The following STK32B variants were observed in gnomAD, a reference collection of about 807,000 sequenced individuals.
STK32B encodes serine/threonine-protein kinase 32B.
In STK32B, 43 loss-of-function variants were observed where a neutral mutation model predicts 52.6. The observed-to-expected ratio is 0.82, with a 90% confidence interval of 0.64 to 1.05. The LOEUF (loss-of-function observed/expected upper bound fraction) is 1.05, where lower values mean the gene tolerates loss of function less well. Among genes scored for constraint, STK32B ranks in the 50% least tolerant of loss-of-function variants. The pLI, the probability that STK32B is intolerant of heterozygous loss-of-function variation, is 0.00. For synonymous variants in STK32B, 238 were observed against 204.3 expected (o/e 1.17, Z -1.41); for missense variants, 621 against 534.6 (o/e 1.16, Z -1.59).
At chr4:5,222,549 GACA>G (rs751979077) in intron 3 of STK32B, among the ~76,000 whole-genome samples, 2 of 152,168 alleles carry the variant, frequency 1.3e-5, no homozygotes, top group African/African-American at 2.4e-5. Context: ...CTGAAGGAAA[GACA>G]ACGTTTGTTA....
At position 5,463,695 on chromosome 4, in the gene STK32B, G is replaced by A. The variant is rs73212744; in HGVS notation, c.910-3008G>A. On this transcript the variant is annotated intron_variant, in intron 9 of 11. Transcript: ENST00000282908. ...CCCCCTACCACATGCCCACCTACAG[G>A]GCAGTGAGCCTCAGCCCCACCCACA... Among the ~76,000 whole-genome samples, 870 of 152,026 alleles carry A rather than the reference G, an allele frequency of 5.7e-3. 3 individuals are homozygous for A. The highest frequency in any genetic ancestry group is 9.3e-3 in the Non-Finnish European group (634 of 67,976).
chr4:5,120,842 A>G (rs1318274394), intron 1 of STK32B, among the ~76,000 whole-genome samples: 3 of 151,462 alleles, frequency 2.0e-5, no homozygotes, highest in Admixed American at 6.6e-5. Flanking sequence ...CATAATTTCT[A>G]TATATTATAA....
chr4:5,234,736 A>G (rs1724512479), intron 3 of STK32B, among the ~76,000 whole-genome samples: 3 of 152,266 alleles, frequency 2.0e-5, no homozygotes, highest in African/African-American at 7.2e-5. Context: ...CAGAGAGGAT[A>G]TTCCTATCAT....
intron 2 of STK32B, among the ~76,000 whole-genome samples, chr4:5,166,977 A>C (rs934863017): frequency 6.6e-6 from 1 of 152,094 alleles, no homozygotes; most frequent in African/African-American, 2.4e-5. Flanking sequence ...TAGCTCATAC[A>C]ATCCTTGCTA....
At chr4:5,039,387 C>T in the STK32B span, among the ~76,000 whole-genome samples, 31 of 152,232 alleles carry the variant, frequency 2.0e-4, no homozygotes, top group African/African-American at 2.7e-4. Flanking sequence ...GACACAAATA[C>T]GCACATTAGC....
chr4:5,236,722 C>G (rs1724663621), intron 3 of STK32B, among the ~76,000 whole-genome samples: 1 of 152,174 alleles, frequency 6.6e-6, no homozygotes, highest in Non-Finnish European at 1.5e-5. Flanking sequence ...TGCTTCCATG[C>G]GTTGCTATAC....
Position 5,328,338 on chromosome 4 carries a change from G to A in STK32B, c.261-2882G>A, listed in dbSNP as rs373051527. On this transcript the variant is annotated intron_variant, in intron 3 of 11. Coordinates refer to ENST00000282908, the MANE Select transcript of STK32B (RefSeq NM_018401.3). ...AGCTTTCAGCCTATCTTGGCATTTG[G>A]CATGTCTTTCTCATTAGGCTTAATC... 9.2e-5 allele frequency among the ~76,000 whole-genome samples: 14 copies of A among 152,264 alleles called. No individual in the cohort carries two copies. The East Asian group carries it at 1.3e-3, about 15-fold the overall frequency.
rs565335848 is a variant in STK32B at position 5,139,636 on chromosome 4, G to A, written c.53-269G>A. ...CATGTAGAAGCCAGGCAGAAGTGGG[G>A]TAGAGAGTGAAGCAGCAAGACTGCA... On this transcript the variant is annotated intron_variant, in intron 1 of 11. Coordinates refer to ENST00000282908, the MANE Select transcript of STK32B (RefSeq NM_018401.3). 3.7e-5 allele frequency: 17 copies of A among 462,666 alleles called. No homozygotes were observed. The East Asian group carries it at 5.6e-4, about 15-fold the overall frequency. 28.7% of individuals were successfully genotyped at this position (462,666 alleles called of 1,614,324 possible).
intron 3 of STK32B, among the ~76,000 whole-genome samples, chr4:5,233,900 G>A: frequency 6.6e-6 from 1 of 151,992 alleles, no homozygotes; most frequent in African/African-American, 2.4e-5. Context: ...GAAGGCGGAG[G>A]AGCAATACCT....
chr4:5,295,856 G>A (rs1729164301), intron 3 of STK32B, among the ~76,000 whole-genome samples: 1 of 152,002 alleles, frequency 6.6e-6, no homozygotes, highest in Non-Finnish European at 1.5e-5. Context: ...TTCTAATTGT[G>A]TTATGGTGTC....
At position 5,456,846 on chromosome 4, in the gene STK32B, A is replaced by T. The variant is rs1365190294; in HGVS notation, c.706A>T (p.Ile236Phe). The T allele has an allele frequency of 6.3e-7, 1 of 1,597,352 alleles. No homozygotes were observed. The highest frequency in any genetic ancestry group is 1.3e-5 in the African/African-American group (1 of 74,654). ...EIHSVTPIDEILNMFKVERVH... is the reference protein window; with the variant it reads ...EIHSVTPIDEFLNMFKVERVH... ...CCACTCGGTCACGCCCATCGATGAA[A>T]TCCTCAACATGTTCAAGGTGGAGCG... The change falls in exon 8 of 12, where the codon ATC becomes TTC. Residue 236 changes from isoleucine (I) to phenylalanine (F), a missense_variant. Ile to Phe is a conservative substitution (Grantham distance 21). Transcript: ENST00000282908.
intron 3 of STK32B, among the ~76,000 whole-genome samples, chr4:5,325,999 C>T (rs533475583): frequency 7.9e-5 from 12 of 152,232 alleles, no homozygotes; most frequent in Non-Finnish European, 1.2e-4. Context: ...GGATCTGCAG[C>T]AAGAAAAAGC....
At chr4:5,165,586 A>G (rs1718807408) in intron 2 of STK32B, among the ~76,000 whole-genome samples, 1 of 152,156 alleles carries the variant, frequency 6.6e-6, no homozygotes, top group South Asian at 2.1e-4. Context: ...TGAGAAGGCG[A>G]ATGAGAAGTG....
At chr4:5,292,844 T>C (rs1728972869) in intron 3 of STK32B, among the ~76,000 whole-genome samples, 1 of 152,174 alleles carries the variant, frequency 6.6e-6, no homozygotes, top group African/African-American at 2.4e-5. Context: ...TACATAGATA[T>C]ACATGTGCCA....
chr4:5,409,972 A>C (rs1711522435), intron 5 of STK32B, among the ~76,000 whole-genome samples: 1 of 152,192 alleles, frequency 6.6e-6, no homozygotes. Flanking sequence ...AGCTTGGATA[A>C]GCTAGTGCCA....
At chr4:5,181,229 G>T (rs1560203536) in intron 3 of STK32B, among the ~76,000 whole-genome samples, 1 of 152,034 alleles carries the variant, frequency 6.6e-6, no homozygotes, top group Non-Finnish European at 1.5e-5. Flanking sequence ...CTGGAGACAG[G>T]ATCTGTAAGA....
chr4:5,176,617 TGTTCTTA>T (rs1172207534), intron 3 of STK32B, among the ~76,000 whole-genome samples: 1 of 151,978 alleles, frequency 6.6e-6, no homozygotes, highest in East Asian at 1.9e-4. Context: ...TTAATTTTTG[TGTTCTTA>T]GTAAAGACAG....
In STK32B at chr4:5,139,959, A is replaced by C. The variant is rs778124195; in HGVS notation, c.107A>C (p.Lys36Thr). Reference protein sequence around the residue: ...LRAIGKGSFGKVCIVQKRDTK... With the variant: ...LRAIGKGSFGTVCIVQKRDTK... Reference sequence around the variant, plus strand: ...GCCATTGGTAAAGGGAGTTTTGGAAAGGTAAGAATATAAATGTCTGGACCA... The same window carrying C: ...GCCATTGGTAAAGGGAGTTTTGGAACGGTAAGAATATAAATGTCTGGACCA... The change falls in exon 2 of 12, where the codon AAG becomes ACG. Residue 36 changes from lysine to threonine, a missense_variant and splice_region_variant. Lys to Thr is a moderately conservative substitution (Grantham distance 78, BLOSUM62 -1). Coordinates refer to ENST00000282908, the MANE Select transcript of STK32B (RefSeq NM_018401.3). The C allele has an allele frequency of 1.7e-5, 27 of 1,614,080 alleles. No individual in the cohort carries two copies. The highest frequency in any genetic ancestry group is 2.7e-5 in the African/African-American group (2 of 74,930).
At position 5,125,974 on chromosome 4, in the gene STK32B, G is replaced by A. The variant is rs58460118; in HGVS notation, c.53-13931G>A. 8.0e-4 allele frequency among the ~76,000 whole-genome samples: 122 copies of A among 152,256 alleles called. 1 individual carries two copies. The East Asian group carries it at 0.021, about 26-fold the overall frequency. ...TAGGTTGAGCTTCACTTTGGCCTGT[G>A]ATTGTCCAGTTGCCCTGGCACCATT... On this transcript the variant is annotated intron_variant, in intron 1 of 11. Coordinates refer to ENST00000282908, the MANE Select transcript of STK32B (RefSeq NM_018401.3).
Sources: gnomAD v4.1 joint callset for allele counts (sites outside exome capture counted in the v4.1 genomes callset) on GRCh38, gnomAD v4.1.1 for gene constraint, MANE v1.5 for transcripts, NCBI Gene and HGNC (gene_info 2026-07-23, HGNC 2026-07-21) for gene names.